Variants in COMMD5 observed in about 807,000 individuals in gnomAD.
COMMD5 encodes the protein COMM domain-containing protein 5.
Under a neutral mutation model 6.9 loss-of-function variants are expected in COMMD5, and 10 were observed. That is an observed-to-expected ratio of 1.44 (90% CI 0.89 to 2.45). The LOEUF (loss-of-function observed/expected upper bound fraction) is 2.45. Among genes scored for constraint, COMMD5 ranks in the 30% most tolerant of loss-of-function variants. COMMD5 has a pLI of 0.00. For synonymous variants in COMMD5, 127 were observed against 125.3 expected (o/e 1.01, Z -0.09); for missense variants, 234 against 287.8 (o/e 0.81, Z 1.35).
chr8:144,841,184 A>G (rs1251887010), exon 2 of COMMD5: 1 of 685,866 alleles, frequency 1.5e-6, no homozygotes, highest in Non-Finnish European at 2.5e-6. Flanking sequence ...GTATGAAACC[A>G]CTTTTGAGAA....
At position 144,851,403 on chromosome 8, in the gene COMMD5, G is replaced by A; in HGVS notation, c.-57-8C>T. 1 of 1,533,130 alleles carries A rather than the reference G, an allele frequency of 6.5e-7. No homozygotes were observed. The highest frequency in any genetic ancestry group is 1.2e-5 in the South Asian group (1 of 80,964). The allele number at this position is 1,533,130 out of a possible 1,614,324, so 95.0% of individuals were successfully genotyped here. ...GGTCCCAGATGCAGATGCCTAGAGT[G>A]GGGTGGAGGAGAGAAGACCAGTGAC... On this transcript the variant is annotated splice_polypyrimidine_tract_variant and splice_region_variant and intron_variant, in intron 1 of 1. Transcript: ENST00000305103.
chr8:144,839,384 T>C (rs1586823238), downstream of COMMD5, among the ~76,000 whole-genome samples: 1 of 152,230 alleles, frequency 6.6e-6, no homozygotes, highest in Non-Finnish European at 1.5e-5. Flanking sequence ...GCTACTCCCA[T>C]GTGATCCTTT....
At chr8:144,841,498 T>C in exon 2 of COMMD5, 5 of 1,614,210 alleles carry the variant, frequency 3.1e-6, no homozygotes, top group Non-Finnish European at 4.2e-6. Context: ...TTCTGAGGTC[T>C]GGTTAGACAG....
chr8:144,839,324 G>A (rs1366564797), downstream of COMMD5, among the ~76,000 whole-genome samples: 1 of 152,258 alleles, frequency 6.6e-6, no homozygotes, highest in Non-Finnish European at 1.5e-5. Flanking sequence ...AAGTCTGCAT[G>A]TGATGTGTGG....
chr8:144,843,299 C>T (rs1830218093), intron 1 of COMMD5: 1 of 1,197,636 alleles, frequency 8.3e-7, no homozygotes, highest in Non-Finnish European at 1.1e-6. Context: ...TCAAGAATAT[C>T]CAACTTCAGG....
At chr8:144,842,678 C>T in intron 1 of COMMD5, 1 of 1,614,134 alleles carries the variant, frequency 6.2e-7, no homozygotes, top group Non-Finnish European at 8.5e-7. Context: ...GGAGAGAAGC[C>T]CTACGAATGC....
At chr8:144,838,420 C>T (rs931164948), downstream of COMMD5, 20 of 434,824 alleles carry the variant, frequency 4.6e-5, no homozygotes, top group African/African-American at 1.2e-4. Flanking sequence ...GCTGGGCAGG[C>T]GCCCGGCCTG....
At chr8:144,849,103 C>T (rs1233528431), downstream of COMMD5, among the ~76,000 whole-genome samples, 1 of 152,186 alleles carries the variant, frequency 6.6e-6, no homozygotes, top group Admixed American at 6.5e-5. Flanking sequence ...AAGGATGGGG[C>T]TGTCCCTAAA....
At position 144,850,710 on chromosome 8, in the gene COMMD5, TC is replaced by T; in HGVS notation, c.628del (p.Glu210ArgfsTer32). The T allele has an allele frequency of 6.2e-7, 1 of 1,614,048 alleles. No homozygotes were observed. Among genetic ancestry groups the T allele is most frequent in the Non-Finnish European group, 8.5e-7 (1 of 1,180,028 alleles). On this transcript the variant is annotated frameshift_variant, in exon 2 of 2. Coordinates refer to ENST00000305103, the MANE Select transcript of COMMD5 (RefSeq NM_014066.4). LOFTEE classifies it high-confidence loss of function. The surrounding 1 kb of genome is among the most constrained non-coding windows in gnomAD (Gnocchi z 4.0). Reference protein sequence around the residue: ...LRYSVALVLKEMADLEKRCER... With the variant: ...LRYSVALVLKXMADLEKRCER... Reference sequence around the variant, plus strand: ...ACACCTCTTCTCCAGATCTGCCATCTCCTTTAGGACCAGGGCCACGCTGTAC... The same window carrying T: ...ACACCTCTTCTCCAGATCTGCCATCTCTTTAGGACCAGGGCCACGCTGTAC...
At chr8:144,849,800 C>G (rs909874152), downstream of COMMD5, among the ~76,000 whole-genome samples, 3 of 149,310 alleles carry the variant, frequency 2.0e-5, no homozygotes, top group African/African-American at 7.7e-5. Flanking sequence ...CCTTGCACCC[C>G]TCCACACAGC....
chr8:144,846,005 C>G (rs1246960769), downstream of COMMD5: 12 of 1,536,574 alleles, frequency 7.8e-6, no homozygotes, highest in Non-Finnish European at 1.0e-5. Context: ...AACCATGGGA[C>G]AAGAGCCAAG....
At chr8:144,843,054 A>C in intron 1 of COMMD5, 3 of 1,614,078 alleles carry the variant, frequency 1.9e-6, no homozygotes, top group Non-Finnish European at 2.5e-6. Flanking sequence ...GTTCACACCT[A>C]ATTATACACC....
intron 1 of COMMD5, chr8:144,843,300 C>A: frequency 8.5e-7 from 1 of 1,172,564 alleles, no homozygotes; most frequent in Non-Finnish European, 1.2e-6. Flanking sequence ...CAAGAATATC[C>A]AACTTCAGGC....
intron 1 of COMMD5, chr8:144,842,070 C>T (rs200004251): frequency 6.2e-7 from 1 of 1,613,860 alleles, no homozygotes; most frequent in Non-Finnish European, 8.5e-7. Context: ...GCTCAAGCCT[C>T]ATCCACCATC....
Position 144,852,924 on chromosome 8 carries a change from C to G in COMMD5, c.-143G>C, listed in dbSNP as rs769762585. On this transcript the variant is annotated 5_prime_UTR_variant, in exon 1 of 2. Coordinates refer to ENST00000305103, the MANE Select transcript of COMMD5 (RefSeq NM_014066.4). ...GAAGCAGCCTTTCCTAGGCCCACACCCCCAGCTCGGGAGGGAGACTCCATC... is the reference window on the plus strand; with the variant it reads ...GAAGCAGCCTTTCCTAGGCCCACACGCCCAGCTCGGGAGGGAGACTCCATC... The G allele has an allele frequency of 2.0e-5, 3 of 152,550 alleles. No homozygotes were observed. Among genetic ancestry groups the G allele is most frequent in the Admixed American group, 1.3e-4 (2 of 15,316 alleles). 9.4% of individuals were successfully genotyped at this position (152,550 alleles called of 1,614,324 possible).
Position 144,851,126 on chromosome 8 carries a change from A to C in COMMD5, c.213T>G (p.Leu71=), listed in dbSNP as rs751989923. Residue 71 remains leucine (L), a synonymous_variant, in exon 2 of 2, where the codon CTT becomes CTG. Coordinates refer to ENST00000305103, the MANE Select transcript of COMMD5 (RefSeq NM_014066.4). ...CCTCCGGCAGGTTGGCGCTGACCCC[A>C]AGACGCTGCACAGCCTCTCGGCAGT... The part of the protein sequence containing the change: ...GEDCREAVQR[L]GVSANLPEEQ... 1.2e-5 allele frequency: 20 copies of C among 1,612,860 alleles called. No individual in the cohort carries two copies. In the African/African-American group the frequency reaches 2.4e-4, roughly 19 times the overall value.
chr8:144,845,939 G>T (rs1830489882), downstream of COMMD5: 2 of 1,530,516 alleles, frequency 1.3e-6, no homozygotes, highest in Non-Finnish European at 1.7e-6. Context: ...TCACCTTCAG[G>T]TCTAGCACAG....
chr8:144,839,046 C>T (rs1399511871), downstream of COMMD5, among the ~76,000 whole-genome samples: 3 of 123,492 alleles, frequency 2.4e-5, no homozygotes, highest in African/African-American at 6.2e-5. Context: ...GGGGCTGTGA[C>T]CTTACTTCCA....
chr8:144,848,882 C>T (rs1380207079), downstream of COMMD5, among the ~76,000 whole-genome samples: 2 of 152,280 alleles, frequency 1.3e-5, no homozygotes, highest in South Asian at 2.1e-4. Context: ...CAGGAATGGC[C>T]CACTCCCCTG....
Sources: allele counts gnomAD v4.1 joint callset (sites outside exome capture counted in the v4.1 genomes callset), GRCh38; gene constraint gnomAD v4.1.1; non-coding constraint Gnocchi (gnomAD v3.1); transcripts MANE v1.5; gene names NCBI Gene and HGNC (gene_info 2026-07-23, HGNC 2026-07-21).